Variants in UBP1 observed in about 807,000 individuals in gnomAD.
UBP1 encodes upstream binding protein 1.
In UBP1, 22 loss-of-function variants were observed where a neutral mutation model predicts 76.1. That is an observed-to-expected ratio of 0.29 (90% CI 0.21 to 0.41). The LOEUF is 0.41. Among genes scored for constraint, UBP1 ranks in the 10% least tolerant of loss-of-function variants. The pLI is 1.00. For synonymous variants in UBP1, 224 were observed against 237.1 expected (o/e 0.94, Z 0.51); for missense variants, 436 against 668.1 (o/e 0.65, Z 3.83).
Position 33,430,106 on chromosome 3 carries a change from T to C in UBP1, c.114-4365A>G, listed in dbSNP as rs2045088320. ...TCACTGAGGATAGGGGGGAAAAAAG[T>C]TGTCAGAGAACACATATATTCTTGA... On this transcript the variant is annotated intron_variant, in intron 1 of 15. Coordinates refer to ENST00000283629, the MANE Select transcript of UBP1 (RefSeq NM_014517.5). 2.6e-5 allele frequency among the ~76,000 whole-genome samples: 4 copies of C among 152,132 alleles called. No individual in the cohort carries two copies. In the South Asian group the frequency reaches 8.3e-4, roughly 32 times the overall value.
chr3:33,435,451 T>C (rs191406573), intron 1 of UBP1, among the ~76,000 whole-genome samples: 11 of 152,290 alleles, frequency 7.2e-5, no homozygotes, highest in Admixed American at 3.9e-4. Flanking sequence ...CTGGCCAACA[T>C]AGCAAGACCT....
intron 13 of UBP1, 123 bp downstream of exon 13, chr3:33,396,039 C>T (rs996645621): frequency 8.0e-5 from 66 of 821,020 alleles, no homozygotes; most frequent in Non-Finnish European, 1.1e-4. Context: ...GTCAAGGCTC[C>T]CACATGAGCA....
At chr3:33,407,786 A>C (rs1376319808) in intron 8 of UBP1, among the ~76,000 whole-genome samples, 2 of 152,252 alleles carry the variant, frequency 1.3e-5, no homozygotes. Context: ...TTAATAGTGC[A>C]AAGACTGCAA....
intron 10 of UBP1, among the ~76,000 whole-genome samples, chr3:33,400,716 G>T (rs1175299212): frequency 6.6e-6 from 1 of 152,082 alleles, no homozygotes; most frequent in Non-Finnish European, 1.5e-5. Context: ...GGATTAAAGG[G>T]TGCAAACAAA....
chr3:33,395,033 C>A (rs1476588129), intron 13 of UBP1, among the ~76,000 whole-genome samples: 2 of 152,168 alleles, frequency 1.3e-5, no homozygotes, highest in Non-Finnish European at 2.9e-5. Context: ...TATCCCTCCA[C>A]AAACACTCAT....
At chr3:33,396,967 G>T in intron 12 of UBP1, 78 bp downstream of exon 12, 1 of 1,342,654 alleles carries the variant, frequency 7.4e-7, no homozygotes, top group Non-Finnish European at 1.1e-6. Context: ...ACCTAGCGTG[G>T]AAACACATTC....
chr3:33,411,523 T>C, intron 5 of UBP1, 58 bp downstream of exon 5: 1 of 1,447,226 alleles, frequency 6.9e-7, no homozygotes, highest in Non-Finnish European at 9.7e-7. Context: ...AAAAATTCAA[T>C]CCTACCATGA....
At chr3:33,426,124 T>A (rs1307732951) in intron 1 of UBP1, among the ~76,000 whole-genome samples, 5 of 150,134 alleles carry the variant, frequency 3.3e-5, no homozygotes. Context: ...AGCTACTTGA[T>A]TTGAAAGGCA....
Position 33,402,293 on chromosome 3 carries a change from TAA to T in UBP1, c.1031+506_1031+507del, listed in dbSNP as rs1393981709. 1.2e-4 allele frequency among the ~76,000 whole-genome samples: 18 copies of T among 152,256 alleles called. No individual in the cohort carries two copies. In the East Asian group the frequency reaches 3.3e-3, roughly 28 times the overall value. On this transcript the variant is annotated intron_variant, in intron 9 of 15. Transcript: ENST00000283629. ...TGCCAGTCAAGGCTGGATAACAGAA[TAA>T]AGAGTCCACCATTTCCATTTCTAAA...
chr3:33,406,458 A>G (rs2044430662), intron 8 of UBP1, among the ~76,000 whole-genome samples: 1 of 152,222 alleles, frequency 6.6e-6, no homozygotes, highest in Non-Finnish European at 1.5e-5. Flanking sequence ...ATAACACAGC[A>G]TAACATACAT....
At chr3:33,393,180 G>C in intron 14 of UBP1, 132 bp downstream of exon 14, 1 of 998,722 alleles carries the variant, frequency 1.0e-6, no homozygotes, top group Non-Finnish European at 1.4e-6. Flanking sequence ...CTTCCAAAGT[G>C]ATTCCCAACT....
chr3:33,390,528 T>C (rs1189599138), intron 15 of UBP1, 160 bp from the exon 16 acceptor site: 4 of 743,234 alleles, frequency 5.4e-6, no homozygotes, highest in Non-Finnish European at 8.9e-6. Flanking sequence ...TAGCTCCTCT[T>C]CCCCCAAAAA....
intron 2 of UBP1, among the ~76,000 whole-genome samples, chr3:33,423,977 T>C (rs1230404938): frequency 6.6e-6 from 1 of 152,250 alleles, no homozygotes; most frequent in African/African-American, 2.4e-5. Context: ...ACATCCTACA[T>C]GTTGCTTTAA....
intron 5 of UBP1, among the ~76,000 whole-genome samples, chr3:33,410,915 A>G (rs1294255511): frequency 6.6e-6 from 1 of 152,018 alleles, no homozygotes; most frequent in African/African-American, 2.4e-5. Flanking sequence ...TCTACTAAAA[A>G]TACAAAAATC....
In UBP1 at chr3:33,429,486, T is replaced by C. The variant is rs540799390; in HGVS notation, c.114-3745A>G. On this transcript the variant is annotated intron_variant, in intron 1 of 15. Coordinates refer to ENST00000283629, the MANE Select transcript of UBP1 (RefSeq NM_014517.5). ...CTAGTATTACAGGCTTGTACCACCA[T>C]GCCTGGCTAATGTTTGTATTTTTAG... 5.9e-5 allele frequency among the ~76,000 whole-genome samples: 9 copies of C among 152,182 alleles called. No individual in the cohort carries two copies. The East Asian group carries it at 1.4e-3, about 23-fold the overall frequency.
chr3:33,402,515 C>T (rs1032384696), intron 9 of UBP1, among the ~76,000 whole-genome samples: 2 of 152,156 alleles, frequency 1.3e-5, no homozygotes, highest in African/African-American at 4.8e-5. Context: ...TTAATGTTGT[C>T]TTTAATCTTA....
upstream of UBP1, chr3:33,440,831 C>T (rs751840000): frequency 2.0e-5 from 3 of 152,240 alleles, no homozygotes; most frequent in African/African-American, 4.8e-5. Context: ...CCCAAAACGC[C>T]ACTTCCGGAG....
chr3:33,412,416 C>T lies in UBP1; in HGVS notation c.448+306G>A, dbSNP rs113677265. Among the ~76,000 whole-genome samples, 1,391 of 151,794 alleles carry T rather than the reference C, an allele frequency of 9.2e-3. 17 individuals carry two copies. The highest frequency in any genetic ancestry group is 0.031 in the African/African-American group (1,296 of 41,400). ...GTGCGTATGTATATATAGAAAACAA[C>T]TCTCAAGACACAAGATCCTAGAGGG... On this transcript the variant is annotated intron_variant, in intron 4 of 15. Coordinates refer to ENST00000283629, the MANE Select transcript of UBP1 (RefSeq NM_014517.5).
upstream of UBP1, among the ~76,000 whole-genome samples, chr3:33,441,102 G>T (rs1397199411): frequency 1.3e-5 from 2 of 152,280 alleles, no homozygotes; most frequent in East Asian, 1.9e-4. Context: ...GTCTCCTGAA[G>T]TTGGACCGAA....
Sources: allele counts gnomAD v4.1 joint callset (sites outside exome capture counted in the v4.1 genomes callset), GRCh38; gene constraint gnomAD v4.1.1; transcripts MANE v1.5; gene names NCBI Gene and HGNC (gene_info 2026-07-23, HGNC 2026-07-21).